Variants in ITGB4 observed in about 807,000 individuals in gnomAD.
The protein encoded by ITGB4 is integrin subunit beta 4, also known as integrin beta-4.
ITGB4 carries 159 observed loss-of-function variants against 207.6 expected under a neutral mutation model. That is an observed-to-expected ratio of 0.77 (90% CI 0.67 to 0.87). The LOEUF (loss-of-function observed/expected upper bound fraction) is 0.87. Among genes scored for constraint, ITGB4 ranks in the 40% least tolerant of loss-of-function variants. ITGB4 has a pLI of 0.00. For missense variants in ITGB4, 2,278 were observed against 2,546.8 expected (o/e 0.89, Z 2.27); for synonymous variants, 1,020 against 1,062.7 (o/e 0.96, Z 0.78).
chr17:75,745,639 G>A (rs1329336434), intron 26 of ITGB4, among the ~76,000 whole-genome samples: 4 of 152,114 alleles, frequency 2.6e-5, no homozygotes, highest in Non-Finnish European at 5.9e-5. Context: ...AGCACTGTGG[G>A]AGGCCAAGGC....
chr17:75,724,843 C>A, intron 2 of ITGB4, 61 bp downstream of exon 2: 1 of 1,400,218 alleles, frequency 7.1e-7, no homozygotes, highest in Non-Finnish European at 1.0e-6. Context: ...CAGGCATTGC[C>A]CTTGCACGGG....
At position 75,740,926 on chromosome 17, in the gene ITGB4, G is replaced by A. The variant is rs1476966091; in HGVS notation, c.2610-56G>A. ...CTCCAGGAGCCGAAGCCCCCAGGCC[G>A]ATCAGGCCTCCACTTCAGGGCTATC... On this transcript the variant is annotated intron_variant, in intron 22 of 39. Transcript: ENST00000200181. This position sits in a 1 kb window ranked among gnomAD's most constrained non-coding sequence, Gnocchi z 5.9. 115 of 1,613,238 alleles carry A rather than the reference G, an allele frequency of 7.1e-5. No individual in the cohort carries two copies. Among genetic ancestry groups the A allele is most frequent in the Non-Finnish European group, 9.6e-5 (113 of 1,179,526 alleles).
Position 75,729,198 on chromosome 17 carries a change from C to A in ITGB4, c.567-67C>A. 1 of 1,475,768 alleles carries A rather than the reference C, an allele frequency of 6.8e-7. No homozygotes were observed. The highest frequency in any genetic ancestry group is 9.3e-7 in the Non-Finnish European group (1 of 1,073,686). 91.4% of individuals were successfully genotyped at this position (1,475,768 alleles called of 1,614,324 possible). A position where few individuals can be genotyped will look rare whatever the true frequency, so the allele number is the denominator to read the frequency against. On this transcript the variant is annotated intron_variant, in intron 6 of 39. Coordinates refer to ENST00000200181, the MANE Select transcript of ITGB4 (RefSeq NM_000213.5). The surrounding 1 kb of genome is among the most constrained non-coding windows in gnomAD (Gnocchi z 4.4). The stretch of plus-strand genomic sequence containing the variant: ...AAATTCTCCTTCTAGTTGAAACGAG[C>A]CAGGGGCACTGGGGTCTGCGGCGTC...
At chr17:75,724,570 G>A in intron 1 of ITGB4, 124 bp from the exon 2 acceptor site, 1 of 801,332 alleles carries the variant, frequency 1.2e-6, no homozygotes, top group South Asian at 1.4e-5. Context: ...TCTGGCGGCT[G>A]GGCGCCCTTG....
chr17:75,737,745 C>A, intron 18 of ITGB4, 101 bp downstream of exon 18: 1 of 1,011,808 alleles, frequency 9.9e-7, no homozygotes, highest in South Asian at 1.3e-5. Flanking sequence ...CCTGAGTTCT[C>A]ATCTCCCCAG....
At chr17:75,723,591 C>T (rs76874581) in intron 1 of ITGB4, among the ~76,000 whole-genome samples, 2,500 of 152,350 alleles carry the variant, frequency 0.016, 60 homozygotes, top group African/African-American at 0.057. Context: ...GTTGGCGCTG[C>T]TGTGGCCTCC....
In ITGB4 at chr17:75,756,466, G is replaced by A; in HGVS notation, c.4746G>A (p.Gln1582=). Residue 1582 remains glutamine, a synonymous_variant, in exon 36 of 40, where the codon CAG becomes CAA. Transcript: ENST00000200181. ...GGCTCAACATCCCCAACCCTGCCCA[G>A]ACCTCGGTGGTGGTGGAAGACCTCC... ...LHRLNIPNPA[Q]TSVVVEDLLP... is the part of the protein sequence containing the mutation. 1.2e-6 allele frequency: 2 copies of A among 1,613,346 alleles called. No homozygotes were observed. The highest frequency in any genetic ancestry group is 1.7e-6 in the Non-Finnish European group (2 of 1,179,996).
chr17:75,740,388 G>A lies in ITGB4; in HGVS notation c.2477G>A (p.Arg826His), dbSNP rs200694443. The A allele has an allele frequency of 1.1e-4, 175 of 1,613,674 alleles. No homozygotes were observed. In the South Asian group the frequency reaches 1.4e-3, roughly 13 times the overall value. The change falls in exon 21 of 40, where the codon CGC (arginine) becomes CAC (histidine). Residue 826 changes from arginine (R) to histidine (H), a missense_variant. By Grantham distance (29) the Arg-to-His change is conservative. Coordinates refer to ENST00000200181, the MANE Select transcript of ITGB4 (RefSeq NM_000213.5). The surrounding 1 kb of genome is among the most constrained non-coding windows in gnomAD (Gnocchi z 5.9). ...VPYGLSLRLARLCTENLLKPD... is the reference protein window; with the variant it reads ...VPYGLSLRLAHLCTENLLKPD... ...TACGGGCTGTCCTTGCGCCTGGCCC[G>A]CCTTTGCACCGAGAACCTGCTGAAG...
At position 75,729,538 on chromosome 17, in the gene ITGB4, C is replaced by A; in HGVS notation, c.738+102C>A. The A allele has an allele frequency of 1.5e-6, 2 of 1,292,128 alleles. No homozygotes were observed. Among genetic ancestry groups the A allele is most frequent in the Non-Finnish European group, 2.1e-6 (2 of 953,252 alleles). The allele number at this position is 1,292,128 out of a possible 1,614,324, so 80.0% of individuals were successfully genotyped here. The stretch of plus-strand genomic sequence containing the variant: ...CCTGCTCTGGTGCCAGGCTCACAGG[C>A]CCTGAGGGAAAGCCTGGGAGCCTGC... On this transcript the variant is annotated intron_variant, in intron 7 of 39. Transcript: ENST00000200181. This position sits in a 1 kb window ranked among gnomAD's most constrained non-coding sequence, Gnocchi z 4.4.
chr17:75,754,827 C>T lies in ITGB4; in HGVS notation c.4558+12C>T. The T allele has an allele frequency of 6.2e-7, 1 of 1,613,908 alleles. No homozygotes were observed. Among genetic ancestry groups the T allele is most frequent in the Non-Finnish European group, 8.5e-7 (1 of 1,179,964 alleles). On this transcript the variant is annotated intron_variant, in intron 34 of 39. Coordinates refer to ENST00000200181, the MANE Select transcript of ITGB4 (RefSeq NM_000213.5). ...CGTCTCCTCCCACGGTGAGTGACCTCAGCCAACCCTGCCTCTCCCACTAAC... is the reference window on the plus strand; with the variant it reads ...CGTCTCCTCCCACGGTGAGTGACCTTAGCCAACCCTGCCTCTCCCACTAAC...
At chr17:75,756,674 A>G (rs2061513105) in intron 36 of ITGB4, 30 bp from the exon 37 acceptor site, 1 of 1,612,840 alleles carries the variant, frequency 6.2e-7, no homozygotes, top group South Asian at 1.1e-5. Context: ...ACCCACCCAC[A>G]GGCTGATGCT....
chr17:75,738,855 G>A (rs551832985), intron 18 of ITGB4, among the ~76,000 whole-genome samples: 5 of 152,346 alleles, frequency 3.3e-5, no homozygotes, highest in African/African-American at 9.6e-5. Context: ...GCGCGTGCCT[G>A]TAGTCCCAGC....
rs751452707 is a variant in ITGB4, at chr17:75,733,617, G to T, written c.1582G>T (p.Glu528Ter). ...CQCGHCVCYG[E>*]GRYEGQFCEY... The stretch of plus-strand genomic sequence containing the variant: ...GTGCGGGCACTGTGTGTGCTACGGC[G>T]AAGGCCGCTACGAGGGTCAGTTCTG... Residue 528 changes from glutamate to a stop codon, truncating the protein, a stop_gained, in exon 13 of 40, where the codon GAA becomes TAA. Coordinates refer to ENST00000200181, the MANE Select transcript of ITGB4 (RefSeq NM_000213.5). LOFTEE classifies it high-confidence loss of function. The T allele has an allele frequency of 2.5e-6, 4 of 1,614,148 alleles. No individual in the cohort carries two copies. Among genetic ancestry groups the T allele is most frequent in the Non-Finnish European group, 3.4e-6 (4 of 1,180,044 alleles).
chr17:75,742,878 C>T lies in ITGB4; in HGVS notation c.2962+117C>T. On this transcript the variant is annotated intron_variant, in intron 25 of 39. Coordinates refer to ENST00000200181, the MANE Select transcript of ITGB4 (RefSeq NM_000213.5). The surrounding 1 kb of genome is among the most constrained non-coding windows in gnomAD (Gnocchi z 5.9). Reference sequence around the variant, plus strand: ...GCCTGGGCTAGTCACTTAACCTCTGCAAGCCTTGGTTTCTCCATCTGTAAA... The same window carrying T: ...GCCTGGGCTAGTCACTTAACCTCTGTAAGCCTTGGTTTCTCCATCTGTAAA... 1 of 950,130 alleles carries T rather than the reference C, an allele frequency of 1.1e-6. No individual in the cohort carries two copies. The highest frequency in any genetic ancestry group is 1.6e-5 in the African/African-American group (1 of 61,352). 58.9% of individuals were successfully genotyped at this position (950,130 alleles called of 1,614,324 possible). A position where few individuals can be genotyped will look rare whatever the true frequency, so the allele number is the denominator to read the frequency against.
rs1306273368 is a variant in ITGB4, at chr17:75,740,309, C to A, written c.2447-49C>A. On this transcript the variant is annotated intron_variant, in intron 20 of 39. Coordinates refer to ENST00000200181, the MANE Select transcript of ITGB4 (RefSeq NM_000213.5). This position sits in a 1 kb window ranked among gnomAD's most constrained non-coding sequence, Gnocchi z 5.9. The stretch of plus-strand genomic sequence containing the variant: ...GGGATGCTCTGTGGTGCCTGTCATG[C>A]AGGGGGCTGACCACCTCCATCTCAC... 1 of 1,502,230 alleles carries A rather than the reference C, an allele frequency of 6.7e-7. No homozygotes were observed. Among genetic ancestry groups the A allele is most frequent in the Non-Finnish European group, 9.2e-7 (1 of 1,088,208 alleles). 93.1% of individuals were successfully genotyped at this position (1,502,230 alleles called of 1,614,324 possible).
rs1252064671 is a variant in ITGB4 at position 75,732,685 on chromosome 17, G to A, written c.1454+446G>A. 6.6e-6 allele frequency among the ~76,000 whole-genome samples: 1 copy of A among 152,176 alleles called. No homozygotes were observed. Among genetic ancestry groups the A allele is most frequent in the East Asian group, 1.9e-4 (1 of 5,202 alleles). On this transcript the variant is annotated intron_variant, in intron 12 of 39. Transcript: ENST00000200181. The surrounding 1 kb of genome is among the most constrained non-coding windows in gnomAD (Gnocchi z 5.3). ...GAGCAGTGGGGAAAGGACACTGGAA[G>A]GGGTGACATGACAGGGCACTGGGGT...
chr17:75,727,922 C>A lies in ITGB4; in HGVS notation c.469+67C>A. 6.8e-7 allele frequency: 1 copy of A among 1,477,846 alleles called. No individual in the cohort carries two copies. The highest frequency in any genetic ancestry group is 9.4e-7 in the Non-Finnish European group (1 of 1,063,992). The allele number at this position is 1,477,846 out of a possible 1,614,324, so 91.5% of individuals were successfully genotyped here. A position where few individuals can be genotyped will look rare whatever the true frequency, so the allele number is the denominator to read the frequency against. ...GACAGGTGGGCGTCTGCTTGGGAGG[C>A]CAGGACTCAGGACAGCTGCACCCAC... On this transcript the variant is annotated intron_variant, in intron 5 of 39. Transcript: ENST00000200181. This position sits in a 1 kb window ranked among gnomAD's most constrained non-coding sequence, Gnocchi z 6.0.
At position 75,729,255 on chromosome 17, in the gene ITGB4, C is replaced by T. The variant is rs140834603; in HGVS notation, c.567-10C>T. Reference sequence around the variant, plus strand: ...CTGTGACACTCTCTCTCCCTCCCACCTCTGCCCAGGCTGAAGGAGCCCTGG... The same window carrying T: ...CTGTGACACTCTCTCTCCCTCCCACTTCTGCCCAGGCTGAAGGAGCCCTGG... On this transcript the variant is annotated splice_polypyrimidine_tract_variant and intron_variant, in intron 6 of 39. Coordinates refer to ENST00000200181, the MANE Select transcript of ITGB4 (RefSeq NM_000213.5). This position sits in a 1 kb window ranked among gnomAD's most constrained non-coding sequence, Gnocchi z 4.4. The T allele has an allele frequency of 2.9e-5, 46 of 1,613,936 alleles. No individual in the cohort carries two copies. Among genetic ancestry groups the T allele is most frequent in the Non-Finnish European group, 3.6e-5 (42 of 1,179,856 alleles).
At position 75,752,483 on chromosome 17, in the gene ITGB4, G is replaced by A. The variant is rs2061391218; in HGVS notation, c.4014G>A (p.Gln1338=). The A allele has an allele frequency of 1.2e-6, 2 of 1,613,532 alleles. No individual in the cohort carries two copies. The highest frequency in any genetic ancestry group is 1.7e-5 in the Admixed American group (1 of 60,014). ...CTGACATCCCTATCGTGGACGCCCA[G>A]AGCGGGGAGGACTACGACAGCTTCC... ...IIPDIPIVDA[Q]SGEDYDSFLM... is the part of the protein sequence containing the mutation. Residue 1338 remains glutamine, a synonymous_variant, in exon 32 of 40, where the codon CAG becomes CAA. Transcript: ENST00000200181.
Sources: allele counts gnomAD v4.1 joint callset (sites outside exome capture counted in the v4.1 genomes callset), GRCh38; gene constraint gnomAD v4.1.1; non-coding constraint Gnocchi (gnomAD v3.1); transcripts MANE v1.5; gene names NCBI Gene and HGNC (gene_info 2026-07-23, HGNC 2026-07-21).